The following INSR variants were observed in gnomAD, a reference collection of about 807,000 sequenced individuals.
The protein encoded by INSR is insulin receptor, also known as IR.
Under a neutral mutation model 142.6 loss-of-function variants are expected in INSR, and 67 were observed. The observed-to-expected ratio is 0.47, with a 90% CI of 0.39 to 0.58. The LOEUF is 0.58. Among genes scored for constraint, INSR ranks in the 20% least tolerant of loss-of-function variants. The pLI is 0.00. For missense variants in INSR, 1,248 were observed against 1,833.2 expected (o/e 0.68, Z 5.83); for synonymous variants, 756 against 743.1 (o/e 1.02, Z -0.28).
chr19:7,247,311 AGAG>A (rs1398438075), intron 2 of INSR, among the ~76,000 whole-genome samples: 1 of 152,170 alleles, frequency 6.6e-6, no homozygotes, highest in African/African-American at 2.4e-5. Flanking sequence ...CTGTTCCCAG[AGAG>A]GAGAAGCCAG....
intron 2 of INSR, among the ~76,000 whole-genome samples, chr19:7,238,188 C>T (rs1976221910): frequency 6.6e-6 from 1 of 152,100 alleles, no homozygotes; most frequent in Non-Finnish European, 1.5e-5. Flanking sequence ...AGGAAGTTCT[C>T]CATCTCTCAA....
At chr19:7,238,532 A>G (rs971401188) in intron 2 of INSR, among the ~76,000 whole-genome samples, 2 of 150,524 alleles carry the variant, frequency 1.3e-5, no homozygotes, top group Non-Finnish European at 3.0e-5. Flanking sequence ...GAGGCAGGAG[A>G]ATCACTTGAA....
Position 7,202,339 on chromosome 19 carries a change from C to A in INSR, c.653-17702G>T, listed in dbSNP as rs553089726. Among the ~76,000 whole-genome samples the A allele has an allele frequency of 1.0e-3, 155 of 152,164 alleles. 1 individual carries two copies. Among genetic ancestry groups the A allele is most frequent in the African/African-American group, 2.6e-3 (109 of 41,498 alleles). On this transcript the variant is annotated intron_variant, in intron 2 of 21. Coordinates refer to ENST00000302850, the MANE Select transcript of INSR (RefSeq NM_000208.4). ...CATTTTTGTGATTTCTCTCTATATT[C>A]ATATAATAAATTATCAAGCAAATTT...
intron 2 of INSR, among the ~76,000 whole-genome samples, chr19:7,239,933 TTTG>T (rs2145147994): frequency 6.6e-6 from 1 of 152,270 alleles, no homozygotes; most frequent in Non-Finnish European, 1.5e-5. Context: ...CGCAGAGTTT[TTTG>T]TTTTTTGGTT....
intron 13 of INSR, among the ~76,000 whole-genome samples, chr19:7,137,675 C>A (rs1267372939): frequency 6.6e-6 from 1 of 151,706 alleles, no homozygotes; most frequent in African/African-American, 2.4e-5. Context: ...GTAATCCCAG[C>A]TACTCAGGAG....
intron 1 of INSR, among the ~76,000 whole-genome samples, chr19:7,292,512 A>G (rs2038593225): frequency 6.6e-6 from 1 of 150,684 alleles, no homozygotes; most frequent in Admixed American, 6.6e-5. Context: ...TATGTGATTG[A>G]CAGAGTCGAC....
At chr19:7,241,739 AG>A (rs1364160842) in intron 2 of INSR, among the ~76,000 whole-genome samples, 1 of 150,780 alleles carries the variant, frequency 6.6e-6, no homozygotes, top group Non-Finnish European at 1.5e-5. Context: ...ACTGGTATTG[AG>A]TGGAGGCCAG....
At chr19:7,146,509 C>T (rs1242284645) in intron 11 of INSR, among the ~76,000 whole-genome samples, 1 of 152,068 alleles carries the variant, frequency 6.6e-6, no homozygotes, top group Non-Finnish European at 1.5e-5. Context: ...TCCCAAAGTA[C>T]TGGGATTACA....
chr19:7,246,710 G>T (rs1039874645), intron 2 of INSR, among the ~76,000 whole-genome samples: 1 of 152,194 alleles, frequency 6.6e-6, no homozygotes, highest in South Asian at 2.1e-4. Context: ...AGGGTGGTTT[G>T]TTACACAGCA....
chr19:7,120,463 T>C (rs1475050421), intron 20 of INSR, among the ~76,000 whole-genome samples, 157 bp downstream of exon 20: 1 of 152,208 alleles, frequency 6.6e-6, no homozygotes, highest in Non-Finnish European at 1.5e-5. Context: ...AGTCAGGACA[T>C]AAGAGTAGCC....
intron 1 of INSR, among the ~76,000 whole-genome samples, chr19:7,279,683 G>C (rs987403485): frequency 6.6e-6 from 1 of 151,752 alleles, no homozygotes. Flanking sequence ...AGACAACTGA[G>C]AGAAGAAAAT....
chr19:7,211,262 T>C (rs1975267264), intron 2 of INSR, among the ~76,000 whole-genome samples: 1 of 152,220 alleles, frequency 6.6e-6, no homozygotes, highest in South Asian at 2.1e-4. Flanking sequence ...AAATAGGCTC[T>C]TTCTGTATTG....
intron 2 of INSR, among the ~76,000 whole-genome samples, chr19:7,202,063 C>T (rs1355301541): frequency 6.6e-6 from 1 of 152,190 alleles, no homozygotes; most frequent in Non-Finnish European, 1.5e-5. Context: ...GTCCAACAAA[C>T]GTTCAGCAGC....
At chr19:7,268,646 GGAAGAA>G (rs974422566) in intron 1 of INSR, 3 of 976,292 alleles carry the variant, frequency 3.1e-6, no homozygotes, top group Non-Finnish European at 3.7e-6. Context: ...TGGCTTATAT[GGAAGAA>G]GAAGTGAAAC....
At chr19:7,141,330 C>T (rs751036735) in intron 13 of INSR, among the ~76,000 whole-genome samples, 1 of 152,178 alleles carries the variant, frequency 6.6e-6, no homozygotes, top group Non-Finnish European at 1.5e-5. Flanking sequence ...GCTTGGATTA[C>T]AGGTGTGAGC....
chr19:7,286,051 C>T (rs192988588), intron 1 of INSR, among the ~76,000 whole-genome samples: 6 of 152,268 alleles, frequency 3.9e-5, no homozygotes, highest in Admixed American at 3.3e-4. Context: ...GCAATCACAG[C>T]TCACTGGCGC....
intron 13 of INSR, among the ~76,000 whole-genome samples, chr19:7,132,889 C>T (rs1972821548): frequency 6.6e-6 from 1 of 152,146 alleles, no homozygotes; most frequent in Non-Finnish European, 1.5e-5. Context: ...CAGCTCCCAG[C>T]CCTATTATCT....
At position 7,119,761 on chromosome 19, in the gene INSR, C is replaced by CAA. The variant is rs1972436087; in HGVS notation, c.3660-179_3660-178insTT. Reference sequence around the variant, plus strand: ...ATACACGTGCACACACATGCAAATACACACAAACACGCATGCGCACACATG... The same window carrying CAA: ...ATACACGTGCACACACATGCAAATACAAACACAAACACGCATGCGCACACATG... On this transcript the variant is annotated intron_variant, in intron 20 of 21. Transcript: ENST00000302850. This position sits in a 1 kb window ranked among gnomAD's most constrained non-coding sequence, Gnocchi z 5.2. Among the ~76,000 whole-genome samples, 2 of 134,280 alleles carry CAA rather than the reference C, an allele frequency of 1.5e-5. No individual in the cohort carries two copies. Among genetic ancestry groups the CAA allele is most frequent in the East Asian group, 2.3e-4 (1 of 4,350 alleles). The allele number at this position is 134,280 out of a possible 152,430, so 88.1% of individuals were successfully genotyped here.
intron 2 of INSR, among the ~76,000 whole-genome samples, chr19:7,198,637 T>C (rs531321925): frequency 1.3e-5 from 2 of 151,898 alleles, no homozygotes; most frequent in South Asian, 4.2e-4. Flanking sequence ...ATTCCTCACA[T>C]TGCAGGGGGG....
Sources: allele counts gnomAD v4.1 joint callset (sites outside exome capture counted in the v4.1 genomes callset), GRCh38; gene constraint gnomAD v4.1.1; non-coding constraint Gnocchi (gnomAD v3.1); transcripts MANE v1.5; gene names NCBI Gene and HGNC (gene_info 2026-07-23, HGNC 2026-07-21).